The following ABCA2 variants were observed in gnomAD, a reference collection of about 807,000 sequenced individuals.
ABCA2 encodes the protein ATP-binding cassette sub-family A member 2.
Under a neutral mutation model 262.8 loss-of-function variants are expected in ABCA2, and 84 were observed. The ratio of observed to expected loss-of-function variants is 0.32; its 90% CI spans 0.27 to 0.38. The LOEUF (loss-of-function observed/expected upper bound fraction) is 0.38. Among genes scored for constraint, ABCA2 ranks in the 10% least tolerant of loss-of-function variants. The pLI is 1.00. For synonymous variants in ABCA2, 1,696 were observed against 1,502.9 expected, an observed-to-expected ratio of 1.13 and a Z score of -2.97; for missense variants, 2,662 against 3,405.9, an observed-to-expected ratio of 0.78 and a Z score of 5.44.
In ABCA2 at chr9:137,012,972, G is replaced by T. The variant is rs1335163112; in HGVS notation, c.4867+30C>A. 4 of 1,480,030 alleles carry T rather than the reference G, an allele frequency of 2.7e-6. No homozygotes were observed. The East Asian group carries it at 7.4e-5, about 28-fold the overall frequency. The allele number at this position is 1,480,030 out of a possible 1,614,324, so 91.7% of individuals were successfully genotyped here. On this transcript the variant is annotated intron_variant, in intron 30 of 48. Transcript: ENST00000341511. ...GTGAGAAGGACCCCTCACTGCCCCT[G>T]CCCCCCCAGCAGGCCCCCTGAACCA...
At position 137,018,165 on chromosome 9, in the gene ABCA2, G is replaced by T; in HGVS notation, c.1993+13C>A. 6.2e-7 allele frequency: 1 copy of T among 1,611,300 alleles called. No individual in the cohort carries two copies. Among genetic ancestry groups the T allele is most frequent in the East Asian group, 2.2e-5 (1 of 44,762 alleles). On this transcript the variant is annotated intron_variant, in intron 14 of 48. Coordinates refer to ENST00000341511, the MANE Select transcript of ABCA2 (RefSeq NM_001606.5). ...ATGAATCCTCCAGCCGGTCTTCCGG[G>T]CCTGCTCCTCACCCTGGATCCAGAC...
In ABCA2 at chr9:137,009,680, C is replaced by T. The variant is rs1194840600; in HGVS notation, c.6631-36G>A. 1.9e-6 allele frequency: 3 copies of T among 1,612,350 alleles called. No individual in the cohort carries two copies. In the South Asian group the frequency reaches 3.3e-5, roughly 18 times the overall value. ...GTGGCAGGCTCAGCTGCTGCCAGGC[C>T]CACACACCCCAGCCTGAACGCTGCC... On this transcript the variant is annotated intron_variant, in intron 43 of 48. Coordinates refer to ENST00000341511, the MANE Select transcript of ABCA2 (RefSeq NM_001606.5).
chr9:137,014,554 G>A, intron 26 of ABCA2, 136 bp downstream of exon 26: 1 of 1,470,776 alleles, frequency 6.8e-7, no homozygotes. Context: ...AGGACCGCAG[G>A]CTAACCCCGG....
At position 137,019,981 on chromosome 9, in the gene ABCA2, C is replaced by A. The variant is rs1229363368; in HGVS notation, c.1425+355G>T. On this transcript the variant is annotated intron_variant, in intron 10 of 48. Transcript: ENST00000341511. The surrounding 1 kb of genome is among the most constrained non-coding windows in gnomAD (Gnocchi z 4.4). ...TGTCCAGCCCTGGCCTCTGCTTGTT[C>A]CAGACAGGACCCCTCACCCAGAACC... The A allele has an allele frequency of 3.6e-6, 1 of 279,236 alleles. No individual in the cohort carries two copies. The allele number at this position is 279,236 out of a possible 1,614,324, so 17.3% of individuals were successfully genotyped here. A position where few individuals can be genotyped will look rare whatever the true frequency, so the allele number is the denominator to read the frequency against.
At chr9:137,010,582 A>ACG in intron 40 of ABCA2, 38 bp downstream of exon 40, 1 of 1,058,698 alleles carries the variant, frequency 9.4e-7, no homozygotes, top group Non-Finnish European at 1.4e-6. Context: ...GCCCTGGCCT[A>ACG]CCCCACCCAG....
At position 137,013,325 on chromosome 9, in the gene ABCA2, G is replaced by T. The variant is rs1413561024; in HGVS notation, c.4551-7C>A. ...GTCGGGCGATAGCCGCAGCCTGCGG[G>T]CACCGACAGTGTGAGGTGGGGCTGC... On this transcript the variant is annotated splice_polypyrimidine_tract_variant and splice_region_variant and intron_variant, in intron 29 of 48. Coordinates refer to ENST00000341511, the MANE Select transcript of ABCA2 (RefSeq NM_001606.5). 1.3e-6 allele frequency: 2 copies of T among 1,540,830 alleles called. No individual in the cohort carries two copies. Among genetic ancestry groups the T allele is most frequent in the African/African-American group, 1.4e-5 (1 of 73,506 alleles).
Position 137,014,051 on chromosome 9 carries a change from G to A in ABCA2, c.4241-13C>T. On this transcript the variant is annotated splice_polypyrimidine_tract_variant and intron_variant, in intron 27 of 48. Coordinates refer to ENST00000341511, the MANE Select transcript of ABCA2 (RefSeq NM_001606.5). ...TCTGCCTCCACCTCTGTGCAGAGAG[G>A]TAGAGGCTGAGCAGGTGGTTGCACG... 6.2e-7 allele frequency: 1 copy of A among 1,608,950 alleles called. No homozygotes were observed. The highest frequency in any genetic ancestry group is 8.5e-7 in the Non-Finnish European group (1 of 1,179,304).
Position 137,010,133 on chromosome 9 carries a change from A to G in ABCA2, c.6354-9T>C. On this transcript the variant is annotated splice_polypyrimidine_tract_variant and intron_variant, in intron 41 of 48. Coordinates refer to ENST00000341511, the MANE Select transcript of ABCA2 (RefSeq NM_001606.5). ...GCAGCTCCTTCAGCACGCTGGGGACACGGCAGCTGTCAGCGCGTGAGGACG... is the reference window on the plus strand; with the variant it reads ...GCAGCTCCTTCAGCACGCTGGGGACGCGGCAGCTGTCAGCGCGTGAGGACG... 1 of 1,591,528 alleles carries G rather than the reference A, an allele frequency of 6.3e-7. No homozygotes were observed. The highest frequency in any genetic ancestry group is 8.5e-7 in the Non-Finnish European group (1 of 1,174,066).
chr9:137,017,559 T>C lies in ABCA2; in HGVS notation c.2345A>G (p.His782Arg). 6.2e-7 allele frequency: 1 copy of C among 1,612,426 alleles called. No homozygotes were observed. Among genetic ancestry groups the C allele is most frequent in the Non-Finnish European group, 8.5e-7 (1 of 1,179,662 alleles). Residue 782 changes from histidine to arginine, a missense_variant, in exon 17 of 49, where the codon CAC becomes CGC. Transcript: ENST00000341511. ...LKYGQVLMHS[H>R]VVIIWLFLAV... ...CAGGAAGAGCCAGATGATGACCACG[T>C]GGCTGTGCATAAGCACCTGGCCGTA...
chr9:137,014,960 G>T lies in ABCA2; in HGVS notation c.3835C>A (p.Leu1279Met). The T allele has an allele frequency of 3.2e-6, 5 of 1,569,548 alleles. No individual in the cohort carries two copies. Among genetic ancestry groups the T allele is most frequent in the Non-Finnish European group, 4.3e-6 (5 of 1,155,348 alleles). ...CCCTTCTTGGCGGCCTCGCTGGGCA[G>T]GATGTAGGAGAGCTCCGTGCTTGTG... ...SDTSTELSYI[L>M]PSEAAKKGAF... is the part of the protein sequence containing the mutation. The change falls in exon 25 of 49, where the codon CTG (leucine) becomes ATG (methionine). Residue 1279 changes from leucine to methionine, a missense_variant. Leu to Met is a conservative substitution (Grantham distance 15). Around this residue, in one of 12 missense-constraint regions of ABCA2, gnomAD observed 297 missense variants for 286.5 expected, o/e 1.04. Transcript: ENST00000341511.
chr9:137,021,737 C>G lies in ABCA2; in HGVS notation c.679-127G>C. ...GCTGCCTGGGTCCCACGACATGCCT[C>G]TACCCCTCATGCCTGCCATAGACCC... is the stretch of plus-strand genomic sequence containing the variant. On this transcript the variant is annotated intron_variant, in intron 7 of 48. Coordinates refer to ENST00000341511, the MANE Select transcript of ABCA2 (RefSeq NM_001606.5). This position sits in a 1 kb window ranked among gnomAD's most constrained non-coding sequence, Gnocchi z 6.0. 8.0e-7 allele frequency: 1 copy of G among 1,243,244 alleles called. No individual in the cohort carries two copies. The highest frequency in any genetic ancestry group is 1.1e-6 in the Non-Finnish European group (1 of 888,220). The allele number at this position is 1,243,244 out of a possible 1,614,324, so 77.0% of individuals were successfully genotyped here.
rs780162070 is a variant in ABCA2, at chr9:137,015,003, G to A, written c.3792C>T (p.Ser1264=). 4.4e-6 allele frequency: 7 copies of A among 1,600,884 alleles called. No homozygotes were observed. Among genetic ancestry groups the A allele is most frequent in the African/African-American group, 2.7e-5 (2 of 74,590 alleles). Residue 1264 remains serine (S), a synonymous_variant, in exon 25 of 49, where the codon TCC becomes TCT. Transcript: ENST00000341511. The stretch of plus-strand genomic sequence containing the variant: ...TGCTTGTGTCTGAGACCAGCAGGCA[G>A]GAGGCCACATGCTTGCGGATGAACT... ...VSQFIRKHVA[S]CLLVSDTSTE... is the part of the protein sequence containing the mutation.
rs985986828 is a variant in ABCA2, at chr9:137,017,310, C to T, written c.2439G>A (p.Leu813=). 1 of 1,612,650 alleles carries T rather than the reference C, an allele frequency of 6.2e-7. No individual in the cohort carries two copies. Among genetic ancestry groups the T allele is most frequent in the Non-Finnish European group, 8.5e-7 (1 of 1,179,888 alleles). ...LVSVLYSKAK[L]ASACGGIIYF... ...AGATGATGCCACCGCAGGCCGAGGCCAGCTTGGCCTTGGAGTACAGCACAG... is the reference window on the plus strand; with the variant it reads ...AGATGATGCCACCGCAGGCCGAGGCTAGCTTGGCCTTGGAGTACAGCACAG... The change falls in exon 18 of 49, where the codon CTG becomes CTA. Residue 813 remains leucine (L), a synonymous_variant. Transcript: ENST00000341511.
In ABCA2 at chr9:137,010,375, G is replaced by A. The variant is rs1349685666; in HGVS notation, c.6175-4C>T. Reference sequence around the variant, plus strand: ...CAATCTTCCGGGACTTGTAGACCTGGCCAGGAGCCTGCCCACTCAGCGGGG... The same window carrying A: ...CAATCTTCCGGGACTTGTAGACCTGACCAGGAGCCTGCCCACTCAGCGGGG... On this transcript the variant is annotated splice_polypyrimidine_tract_variant and splice_region_variant and intron_variant, in intron 40 of 48. Transcript: ENST00000341511. The A allele has an allele frequency of 6.4e-7, 1 of 1,563,566 alleles. No homozygotes were observed. The highest frequency in any genetic ancestry group is 8.7e-7 in the Non-Finnish European group (1 of 1,154,584).
intron 40 of ABCA2, 113 bp from the exon 41 acceptor site, chr9:137,010,484 C>G (rs1449966241): frequency 6.9e-7 from 1 of 1,450,598 alleles, no homozygotes; most frequent in Admixed American, 2.0e-5. Context: ...ACGTGCCCCA[C>G]AGCCCCACCC....
In ABCA2 at chr9:137,015,516, T is replaced by G; in HGVS notation, c.3595A>C (p.Lys1199Gln). 2 of 1,612,406 alleles carry G rather than the reference T, an allele frequency of 1.2e-6. No homozygotes were observed. The highest frequency in any genetic ancestry group is 1.7e-6 in the Non-Finnish European group (2 of 1,179,790). Residue 1199 changes from lysine (K) to glutamine (Q), a missense_variant, in exon 24 of 49, where the codon AAG (lysine) becomes CAG (glutamine). By Grantham distance (53) the Lys-to-Gln change is moderately conservative. Transcript: ENST00000341511. Reference sequence around the variant, plus strand: ...AGCGGGGAGCCGCAGCACTTGAGCTTCCCATGGGAGATGATGGCAATGCGG... The same window carrying G: ...AGCGGGGAGCCGCAGCACTTGAGCTGCCCATGGGAGATGATGGCAATGCGG... ...GDRIAIISHG[K>Q]LKCCGSPLFL...
Position 137,010,134 on chromosome 9 carries a change from CG to C in ABCA2, c.6354-11del. The C allele has an allele frequency of 6.3e-7, 1 of 1,591,284 alleles. No individual in the cohort carries two copies. The highest frequency in any genetic ancestry group is 8.5e-7 in the Non-Finnish European group (1 of 1,174,084). On this transcript the variant is annotated splice_polypyrimidine_tract_variant and intron_variant, in intron 41 of 48. Transcript: ENST00000341511. ...CAGCTCCTTCAGCACGCTGGGGACA[CG>C]GCAGCTGTCAGCGCGTGAGGACGCG...
rs749714627 is a variant in ABCA2 at position 137,023,858 on chromosome 9, A to T, written c.161-18T>A. The T allele has an allele frequency of 3.5e-6, 3 of 855,978 alleles. No homozygotes were observed. In the African/African-American group the frequency reaches 4.9e-5, roughly 14 times the overall value. The allele number at this position is 855,978 out of a possible 1,614,324, so 53.0% of individuals were successfully genotyped here. Reference sequence around the variant, plus strand: ...CTTACAGACTGCATGCCAGCCGAGGACAAGAGACCATGCGGGGAGGGAGGG... The same window carrying T: ...CTTACAGACTGCATGCCAGCCGAGGTCAAGAGACCATGCGGGGAGGGAGGG... On this transcript the variant is annotated intron_variant, in intron 2 of 48. Transcript: ENST00000341511.
At chr9:137,013,594 G>A (rs753026147) in intron 28 of ABCA2, 31 bp from the exon 29 acceptor site, 2 of 1,580,282 alleles carry the variant, frequency 1.3e-6, no homozygotes, top group Non-Finnish European at 1.7e-6. Flanking sequence ...GCCTGAGCAG[G>A]TTCTGCCCTC....
Sources: allele counts gnomAD v4.1 joint callset, GRCh38; gene constraint gnomAD v4.1.1; regional missense constraint gnomAD v4.1.1; non-coding constraint Gnocchi (gnomAD v3.1); transcripts MANE v1.5; gene names NCBI Gene and HGNC (gene_info 2026-07-23, HGNC 2026-07-21).